Variants in PWWP2A observed in about 807,000 individuals in gnomAD.
PWWP2A encodes the protein PWWP domain-containing protein 2A.
In PWWP2A, 18 loss-of-function variants were observed where a neutral mutation model predicts 48.5. The observed-to-expected ratio is 0.37, with a 90% CI of 0.26 to 0.55. The LOEUF (loss-of-function observed/expected upper bound fraction) is 0.55. Among genes scored for constraint, PWWP2A ranks in the 20% least tolerant of loss-of-function variants. PWWP2A has a pLI of 0.81. For missense variants in PWWP2A, 867 were observed against 976.4 expected, an observed-to-expected ratio of 0.89 and a Z score of 1.49; for synonymous variants, 396 against 387.7, an observed-to-expected ratio of 1.02 and a Z score of -0.25.
At chr5:160,067,274 TC>T (rs1270940823) in intron 2 of PWWP2A, among the ~76,000 whole-genome samples, 3 of 152,090 alleles carry the variant, frequency 2.0e-5, no homozygotes, top group Admixed American at 1.3e-4. Context: ...AAAACAGTTT[TC>T]ATAAGACAAA....
intron 1 of PWWP2A, among the ~76,000 whole-genome samples, chr5:160,111,172 T>C (rs1757527829): frequency 6.6e-6 from 1 of 151,740 alleles, no homozygotes; most frequent in South Asian, 2.1e-4. Context: ...ACAAAAAATA[T>C]ATATATTTTT....
chr5:160,083,797 A>G (rs1458588816), intron 2 of PWWP2A, among the ~76,000 whole-genome samples: 1 of 152,236 alleles, frequency 6.6e-6, no homozygotes, highest in Non-Finnish European at 1.5e-5. Flanking sequence ...TGTGTTTGGC[A>G]TAAGGGAGAG....
intron 1 of PWWP2A, among the ~76,000 whole-genome samples, chr5:160,101,853 G>A (rs1249729507): frequency 6.6e-6 from 1 of 151,490 alleles, no homozygotes; most frequent in Non-Finnish European, 1.5e-5. Flanking sequence ...GCTCATGCCT[G>A]TAATCCCAGC....
chr5:160,050,724 C>A, the PWWP2A span, among the ~76,000 whole-genome samples: 4 of 149,964 alleles, frequency 2.7e-5, no homozygotes, highest in Admixed American at 2.7e-4. Flanking sequence ...CTCCCAGATT[C>A]AAGCAACCCT....
chr5:160,109,777 ATATATATATATATAT>A (rs1561698545), intron 1 of PWWP2A, among the ~76,000 whole-genome samples: 11 of 32,554 alleles, frequency 3.4e-4, no homozygotes, highest in African/African-American at 1.3e-3. Context: ...AAAAAAAAAT[ATATATATATATATAT>A]ATATATATAT....
downstream of PWWP2A, among the ~76,000 whole-genome samples, chr5:160,074,766 C>CA (rs1339275225): frequency 4.7e-5 from 7 of 148,744 alleles, no homozygotes; most frequent in South Asian, 4.3e-4. Flanking sequence ...AAAAAAAAAA[C>CA]AAAAAAAACC....
At chr5:160,087,115 GC>G (rs1754700944), downstream of PWWP2A, among the ~76,000 whole-genome samples, 1 of 152,138 alleles carries the variant, frequency 6.6e-6, no homozygotes. Context: ...GGTGGCTCAT[GC>G]CTATAATCCT....
At position 160,092,089 on chromosome 5, in the gene PWWP2A, C is replaced by T. The variant is rs1755143102; in HGVS notation, c.*293G>A. On this transcript the variant is annotated 3_prime_UTR_variant, in exon 2 of 2. Coordinates refer to ENST00000307063, the MANE Select transcript of PWWP2A (RefSeq NM_001130864.2). ...TTAGGTACAAATGGCAATTAACAGT[C>T]CCTACAAAAATTCAATTTCAGTTGA... 2.7e-6 allele frequency: 3 copies of T among 1,091,492 alleles called. No homozygotes were observed. The highest frequency in any genetic ancestry group is 3.3e-5 in the South Asian group (1 of 30,482). The allele number at this position is 1,091,492 out of a possible 1,614,324, so 67.6% of individuals were successfully genotyped here. A position where few individuals can be genotyped will look rare whatever the true frequency, so the allele number is the denominator to read the frequency against.
chr5:160,118,976 G>A lies in PWWP2A; in HGVS notation c.413C>T (p.Pro138Leu), dbSNP rs1389500182. The A allele has an allele frequency of 6.3e-7, 1 of 1,597,854 alleles. No homozygotes were observed. The highest frequency in any genetic ancestry group is 1.1e-5 in the South Asian group (1 of 89,648). Residue 138 changes from proline (P) to leucine (L), a missense_variant, in exon 1 of 2, where the codon CCC becomes CTC. By Grantham distance (98) the Pro-to-Leu change is moderately conservative. This residue lies in a region of PWWP2A where 385 missense variants were observed against 396.9 expected (regional missense o/e 0.97). Transcript: ENST00000307063. ...EEREEPPLPQ[P>L]VAPALVPPAG... The stretch of plus-strand genomic sequence containing the variant: ...CGGCGGCACGAGCGCCGGGGCTACG[G>A]GCTGAGGCAGCGGCGGCTCCTCGCG...
At chr5:160,080,850 T>C in intron 2 of PWWP2A, 1 of 1,316,740 alleles carries the variant, frequency 7.6e-7, no homozygotes, top group Non-Finnish European at 1.0e-6. Flanking sequence ...AAAATAGTTT[T>C]AAAATAAGAC....
chr5:160,103,147 T>C (rs1440972556), intron 1 of PWWP2A, among the ~76,000 whole-genome samples: 1 of 152,214 alleles, frequency 6.6e-6, no homozygotes, highest in East Asian at 1.9e-4. Context: ...ACAAATTAAA[T>C]GTGGCAAAAT....
At chr5:160,090,040 C>A (rs926510328), downstream of PWWP2A, 1 of 985,392 alleles carries the variant, frequency 1.0e-6, no homozygotes, top group Admixed American at 6.1e-5. Flanking sequence ...ACTGAAACTG[C>A]AAATGAAATA....
chr5:160,049,417 G>A, the PWWP2A span: 42 of 1,167,360 alleles, frequency 3.6e-5, no homozygotes, highest in Middle Eastern at 3.0e-4. Context: ...TCTTCCTTTC[G>A]TATCCTTGGA....
At chr5:160,104,122 C>CAAAAAAAAAAAAA (rs70990703) in intron 1 of PWWP2A, among the ~76,000 whole-genome samples, 21 of 61,652 alleles carry the variant, frequency 3.4e-4, no homozygotes, top group East Asian at 5.5e-4. Flanking sequence ...GACTCTGTCT[C>CAAAAAAAAAAAAA]AAAAAAAAAA....
the PWWP2A span, chr5:160,049,745 C>A: frequency 8.5e-7 from 1 of 1,175,500 alleles, no homozygotes; most frequent in Non-Finnish European, 1.1e-6. Flanking sequence ...CTTTCAGACA[C>A]AATTAAATTC....
chr5:160,067,175 A>T (rs1289280136), intron 2 of PWWP2A, among the ~76,000 whole-genome samples: 1 of 152,236 alleles, frequency 6.6e-6, no homozygotes. Flanking sequence ...AGAGTCTCAC[A>T]TCTCTTATAT....
At position 160,091,478 on chromosome 5, in the gene PWWP2A, T is replaced by C; in HGVS notation, c.*904A>G. On this transcript the variant is annotated 3_prime_UTR_variant, in exon 2 of 2. Transcript: ENST00000307063. The stretch of plus-strand genomic sequence containing the variant: ...TAAACGGAAATTATTTTGTTTTAAT[T>C]ATCAAATTAGGTACATCCAAAATGC... 1 of 982,552 alleles carries C rather than the reference T, an allele frequency of 1.0e-6. No homozygotes were observed. Among genetic ancestry groups the C allele is most frequent in the African/African-American group, 1.7e-5 (1 of 57,278 alleles). The allele number at this position is 982,552 out of a possible 1,614,324, so 60.9% of individuals were successfully genotyped here.
Position 160,092,680 on chromosome 5 carries a change from T to C in PWWP2A, c.1970A>G (p.Asp657Gly), listed in dbSNP as rs1363425322. The change falls in exon 2 of 2, where the codon GAC becomes GGC. Residue 657 changes from aspartate (D) to glycine (G), a missense_variant. Asp to Gly is a moderately conservative substitution (Grantham distance 94, BLOSUM62 -1). Transcript: ENST00000307063. ...TPDGRTICVG[D>G]IVWAKIYGFP... Reference sequence around the variant, plus strand: ...GCCATATATCTTGGCCCAAACAATGTCCCCTACACATATGGTCCTGCCATC... The same window carrying C: ...GCCATATATCTTGGCCCAAACAATGCCCCCTACACATATGGTCCTGCCATC... 6.4e-7 allele frequency: 1 copy of C among 1,551,488 alleles called. No homozygotes were observed. The highest frequency in any genetic ancestry group is 8.7e-7 in the Non-Finnish European group (1 of 1,146,986).
At chr5:160,111,576 G>A (rs1164313993) in intron 1 of PWWP2A, among the ~76,000 whole-genome samples, 1 of 152,090 alleles carries the variant, frequency 6.6e-6, no homozygotes, top group Non-Finnish European at 1.5e-5. Flanking sequence ...CAAGGCTACA[G>A]TAAGCTATGA....
Sources: gnomAD v4.1 joint callset for allele counts (sites outside exome capture counted in the v4.1 genomes callset) on GRCh38, gnomAD v4.1.1 for gene constraint, gnomAD v4.1.1 regional missense constraint, MANE v1.5 for transcripts, NCBI Gene and HGNC (gene_info 2026-07-23, HGNC 2026-07-21) for gene names.